The following PHIP variants were observed in gnomAD, a reference collection of about 807,000 sequenced individuals.
The protein encoded by PHIP is PHIP subunit of CUL4-Ring ligase complex.
In PHIP, 54 loss-of-function variants were observed where a neutral mutation model predicts 236.8. That is an observed-to-expected ratio of 0.23 (90% CI 0.18 to 0.29). The LOEUF is 0.29. Among genes scored for constraint, PHIP ranks in the 10% least tolerant of loss-of-function variants. The pLI is 1.00. For synonymous variants in PHIP, 756 were observed against 718.9 expected (o/e 1.05, Z -0.83); for missense variants, 1,370 against 2,190.8 (o/e 0.63, Z 7.48).
At position 78,938,124 on chromosome 6, in the gene PHIP, T is replaced by C. The variant is rs936788713; in HGVS notation, c.*2569A>G. 4.0e-5 allele frequency: 6 copies of C among 151,680 alleles called. No individual in the cohort carries two copies. The highest frequency in any genetic ancestry group is 2.1e-4 in the South Asian group (1 of 4,828). 9.4% of individuals were successfully genotyped at this position (151,680 alleles called of 1,614,324 possible). Reference sequence around the variant, plus strand: ...TTCTTAATTCAACTTCTGTAATGCATAGAAGCTAAATTATAAAAATATAAA... The same window carrying C: ...TTCTTAATTCAACTTCTGTAATGCACAGAAGCTAAATTATAAAAATATAAA... On this transcript the variant is annotated 3_prime_UTR_variant, in exon 40 of 40. Transcript: ENST00000275034.
At chr6:79,054,898 C>T (rs6929315) in intron 6 of PHIP, among the ~76,000 whole-genome samples, 141,848 of 151,858 alleles carry the variant, frequency 0.93, 66,334 homozygotes, top group East Asian at 1. Context: ...TCAAACTAGT[C>T]TTCTCAGAGA....
chr6:78,993,925 T>A (rs1445717827), intron 19 of PHIP, among the ~76,000 whole-genome samples: 1 of 152,198 alleles, frequency 6.6e-6, no homozygotes. Flanking sequence ...CAAAATACAT[T>A]GAAAACCTTC....
In PHIP at chr6:78,956,360, A is replaced by T. The variant is rs927034871; in HGVS notation, c.3783-678T>A. 6 of 152,096 alleles carry T rather than the reference A, an allele frequency of 3.9e-5. No homozygotes were observed. In the East Asian group the frequency reaches 1.2e-3, roughly 29 times the overall value. 9.4% of individuals were successfully genotyped at this position (152,096 alleles called of 1,614,324 possible). On this transcript the variant is annotated intron_variant, in intron 32 of 39. Transcript: ENST00000275034. ...ATGTCTGGGCATCTGTCCCTTTCTCACTTTCATAAATTAAGCCCTCATCAA... is the reference window on the plus strand; with the variant it reads ...ATGTCTGGGCATCTGTCCCTTTCTCTCTTTCATAAATTAAGCCCTCATCAA...
chr6:79,061,911 T>C (rs1416399086), intron 4 of PHIP, among the ~76,000 whole-genome samples: 1 of 152,052 alleles, frequency 6.6e-6, no homozygotes, highest in Admixed American at 6.6e-5. Flanking sequence ...ACTGCAGAAA[T>C]CCATGAATGA....
Position 78,997,583 on chromosome 6 carries a change from T to C in PHIP, c.2032A>G (p.Thr678Ala), listed in dbSNP as rs751372692. 1 of 1,613,100 alleles carries C rather than the reference T, an allele frequency of 6.2e-7. No individual in the cohort carries two copies. Among genetic ancestry groups the C allele is most frequent in the East Asian group, 2.2e-5 (1 of 44,836 alleles). ...SRLSRGSISS[T>A]SEVHSPPNVG... ...TTTGGTGGTGAATGAACCTCTGAGG[T>C]AGAACTTATGGAGCCTAAGTGAAAA... Residue 678 changes from threonine to alanine, a missense_variant, in exon 19 of 40, where the codon ACC becomes GCC. Physicochemically the swap from Thr to Ala is moderately conservative, Grantham distance 58 (BLOSUM62 0). Transcript: ENST00000275034.
intron 15 of PHIP, among the ~76,000 whole-genome samples, chr6:79,007,521 G>A (rs1480390093): frequency 6.6e-6 from 1 of 152,048 alleles, no homozygotes; most frequent in South Asian, 2.1e-4. Context: ...TACAGAGAGT[G>A]AATATGAGAA....
chr6:78,995,801 A>G (rs771289190), intron 19 of PHIP, among the ~76,000 whole-genome samples: 18 of 152,158 alleles, frequency 1.2e-4, no homozygotes, highest in Non-Finnish European at 2.6e-4. Context: ...ATTTTAATTA[A>G]TGGATGAGGC....
chr6:79,010,666 C>G (rs1365528514), intron 15 of PHIP, among the ~76,000 whole-genome samples: 1 of 151,474 alleles, frequency 6.6e-6, no homozygotes, highest in Non-Finnish European at 1.5e-5. Context: ...ACAGCTAGGG[C>G]TATAGAGAAA....
At chr6:79,059,595 A>T (rs1158390247) in intron 6 of PHIP, among the ~76,000 whole-genome samples, 64 of 59,934 alleles carry the variant, frequency 1.1e-3, no homozygotes, top group Admixed American at 4.7e-3. Flanking sequence ...GCAAAATTAT[A>T]TATATATATA....
intron 19 of PHIP, 26 bp from the exon 20 acceptor site, chr6:78,991,011 A>T (rs757025419): frequency 7.2e-7 from 1 of 1,384,880 alleles, no homozygotes; most frequent in Non-Finnish European, 1.0e-6. Flanking sequence ...CATATGCATT[A>T]ATCTAGAATT....
At chr6:79,059,114 G>A (rs1478290501) in intron 6 of PHIP, among the ~76,000 whole-genome samples, 1 of 151,888 alleles carries the variant, frequency 6.6e-6, no homozygotes, top group Non-Finnish European at 1.5e-5. Flanking sequence ...TATCACATAC[G>A]TTATCTCTGA....
At chr6:78,994,075 G>C (rs1769448455) in intron 19 of PHIP, among the ~76,000 whole-genome samples, 1 of 152,178 alleles carries the variant, frequency 6.6e-6, no homozygotes, top group Non-Finnish European at 1.5e-5. Context: ...GACATCAGTG[G>C]AAGAAGTTAC....
At chr6:79,041,959 G>A (rs1004850124) in intron 7 of PHIP, among the ~76,000 whole-genome samples, 2 of 151,936 alleles carry the variant, frequency 1.3e-5, no homozygotes, top group South Asian at 4.2e-4. Flanking sequence ...CTAAAAAGAG[G>A]AATCTATAAT....
At chr6:78,971,786 G>A (rs539231471) in intron 24 of PHIP, among the ~76,000 whole-genome samples, 87 of 152,256 alleles carry the variant, frequency 5.7e-4, no homozygotes, top group African/African-American at 2.0e-3. Context: ...CTGGAAAATC[G>A]GGTCACTCCC....
intron 35 of PHIP, among the ~76,000 whole-genome samples, chr6:78,949,832 G>A (rs1451698346): frequency 1.3e-5 from 2 of 152,002 alleles, no homozygotes; most frequent in Non-Finnish European, 2.9e-5. Flanking sequence ...TGAACTATAG[G>A]TGCACGCCAC....
chr6:78,946,546 A>T, intron 37 of PHIP, 165 bp downstream of exon 37: 1 of 1,383,670 alleles, frequency 7.2e-7, no homozygotes, highest in Non-Finnish European at 9.3e-7. Flanking sequence ...ACACTAGTAT[A>T]GCTTTAGTTA....
Position 78,998,405 on chromosome 6 carries a change from CACAAAATATT to C in PHIP, c.1880-24_1880-15del. ...CTTGATTCAGTCCTATACAATACCA[CACAAAATATT>C]ACGAATATTTTAGCTACTATTCAAA... On this transcript the variant is annotated splice_polypyrimidine_tract_variant and intron_variant, in intron 17 of 39. Coordinates refer to ENST00000275034, the MANE Select transcript of PHIP (RefSeq NM_017934.7). 1 of 1,609,864 alleles carries C rather than the reference CACAAAATATT, an allele frequency of 6.2e-7. No individual in the cohort carries two copies. The highest frequency in any genetic ancestry group is 8.5e-7 in the Non-Finnish European group (1 of 1,177,136).
chr6:79,013,612 C>T (rs979311489), intron 15 of PHIP, among the ~76,000 whole-genome samples: 2 of 151,552 alleles, frequency 1.3e-5, no homozygotes, highest in Non-Finnish European at 3.0e-5. Flanking sequence ...AATCACTTAA[C>T]TCTCAAGGTG....
Position 78,946,183 on chromosome 6 carries a change from C to T in PHIP, c.4448G>A (p.Arg1483Gln). ...AGCATTGTGTCTTGGCGGTATTGAT[C>T]GTGTAGGTGTAGAGAATGCAGAGGT... is the stretch of plus-strand genomic sequence containing the variant. ...SSTSAFSTPT[R>Q]SIPPRHNAAQ... The change falls in exon 38 of 40, where the codon CGA becomes CAA. Residue 1483 changes from arginine to glutamine, a missense_variant. Around this residue, in one of 14 missense-constraint regions of PHIP, gnomAD observed 309 missense variants for 328.3 expected, o/e 0.94. Transcript: ENST00000275034. 1.2e-6 allele frequency: 2 copies of T among 1,613,722 alleles called. No individual in the cohort carries two copies. Among genetic ancestry groups the T allele is most frequent in the Non-Finnish European group, 1.7e-6 (2 of 1,179,712 alleles).
Sources: gnomAD v4.1 joint callset for allele counts (sites outside exome capture counted in the v4.1 genomes callset) on GRCh38, gnomAD v4.1.1 for gene constraint, gnomAD v4.1.1 regional missense constraint, MANE v1.5 for transcripts, NCBI Gene and HGNC (gene_info 2026-07-23, HGNC 2026-07-21) for gene names.